Variants in SP110 observed in about 807,000 individuals in gnomAD.
SP110 encodes the protein interferon-induced protein 41, 30kD.
SP110 carries 62 observed loss-of-function variants against 92.7 expected under a neutral mutation model. The observed-to-expected ratio is 0.67, with a 90% confidence interval of 0.55 to 0.83. SP110 has a LOEUF of 0.83. Among genes scored for constraint, SP110 ranks in the 40% least tolerant of loss-of-function variants. The pLI, the probability that SP110 is intolerant of heterozygous loss-of-function variation, is 0.00. For synonymous variants in SP110, 273 were observed against 305.3 expected, an observed-to-expected ratio of 0.89 and a Z score of 1.10; for missense variants, 793 against 863.9, an observed-to-expected ratio of 0.92 and a Z score of 1.03.
chr2:230,221,952 C>T (rs1255156517), upstream of SP110, among the ~76,000 whole-genome samples: 1 of 152,192 alleles, frequency 6.6e-6, no homozygotes, highest in African/African-American at 2.4e-5. Context: ...TGGCTGGGCA[C>T]AGTGGCTCAG....
At chr2:230,187,201 G>A (rs1254168587) in intron 10 of SP110, among the ~76,000 whole-genome samples, 1 of 152,086 alleles carries the variant, frequency 6.6e-6, no homozygotes, top group African/African-American at 2.4e-5. Context: ...CATTCTTGCA[G>A]GAGTAAGGTG....
intron 1 of SP110, among the ~76,000 whole-genome samples, chr2:230,218,253 C>G (rs2045442244): frequency 6.6e-6 from 1 of 152,228 alleles, no homozygotes; most frequent in Non-Finnish European, 1.5e-5. Context: ...TCGTAATTAA[C>G]AACTGTTTAC....
chr2:230,212,730 A>C (rs1000358789), intron 4 of SP110, 31 bp downstream of exon 4: 1 of 1,613,084 alleles, frequency 6.2e-7, no homozygotes, highest in Non-Finnish European at 8.5e-7. Flanking sequence ...GGCTGAGGAT[A>C]TACAGGTGTT....
intron 11 of SP110, among the ~76,000 whole-genome samples, chr2:230,184,833 T>C (rs1439220212): frequency 1.3e-5 from 2 of 152,218 alleles, no homozygotes; most frequent in Non-Finnish European, 2.9e-5. Context: ...AATGCTGTGG[T>C]AATTCACGAT....
intron 8 of SP110, among the ~76,000 whole-genome samples, chr2:230,204,300 A>C (rs1296197393): frequency 6.6e-6 from 1 of 152,190 alleles, no homozygotes; most frequent in African/African-American, 2.4e-5. Context: ...ATAATTGTAT[A>C]GTTGCATAGA....
At chr2:230,215,519 G>C (rs184626364) in intron 2 of SP110, among the ~76,000 whole-genome samples, 21 of 152,300 alleles carry the variant, frequency 1.4e-4, no homozygotes, top group Admixed American at 7.8e-4. Flanking sequence ...CAATTCTGCT[G>C]GTTGCTTGTG....
At chr2:230,171,662 A>T (rs200063171) in intron 17 of SP110, 34 bp downstream of exon 17, 3 of 1,553,120 alleles carry the variant, frequency 1.9e-6, no homozygotes, top group South Asian at 2.2e-5. Flanking sequence ...CTCCAAATGC[A>T]TTTTATGCAA....
rs1245741817 is a variant in SP110, at chr2:230,211,679, A to G, written c.668-126T>C. 1 of 707,318 alleles carries G rather than the reference A, an allele frequency of 1.4e-6. No individual in the cohort carries two copies. Among genetic ancestry groups the G allele is most frequent in the Non-Finnish European group, 2.6e-6 (1 of 387,624 alleles). 43.8% of individuals were successfully genotyped at this position (707,318 alleles called of 1,614,324 possible). A position where few individuals can be genotyped will look rare whatever the true frequency, so the allele number is the denominator to read the frequency against. Reference sequence around the variant, plus strand: ...GGTAACAGCAACCAAGGCCTGGGAAAGGATGGCATAGAGTGGGAAAGTAAG... The same window carrying G: ...GGTAACAGCAACCAAGGCCTGGGAAGGGATGGCATAGAGTGGGAAAGTAAG... On this transcript the variant is annotated intron_variant, in intron 5 of 18. Coordinates refer to ENST00000258381, the MANE Select transcript of SP110 (RefSeq NM_080424.4). This position sits in a 1 kb window ranked among gnomAD's most constrained non-coding sequence, Gnocchi z 4.2.
At chr2:230,171,600 T>C in intron 17 of SP110, 96 bp downstream of exon 17, 1 of 947,120 alleles carries the variant, frequency 1.1e-6, no homozygotes, top group East Asian at 2.4e-5. Context: ...TCTCTTCTGT[T>C]CTCCAGCTTC....
chr2:230,195,263 C>G (rs2042817206), intron 10 of SP110, among the ~76,000 whole-genome samples: 1 of 152,022 alleles, frequency 6.6e-6, no homozygotes, highest in Non-Finnish European at 1.5e-5. Flanking sequence ...TCCATTTTAG[C>G]TGGAAATTGA....
intron 10 of SP110, among the ~76,000 whole-genome samples, chr2:230,197,217 T>C (rs552750849): frequency 6.6e-6 from 1 of 150,642 alleles, no homozygotes; most frequent in South Asian, 2.1e-4. Context: ...GTTTCCTGAC[T>C]TTTTAATGAT....
intron 10 of SP110, among the ~76,000 whole-genome samples, chr2:230,199,190 C>T (rs933213855): frequency 3.5e-5 from 5 of 144,240 alleles, no homozygotes; most frequent in African/African-American, 1.3e-4. Context: ...CTGTCACACA[C>T]AGCAACATAA....
chr2:230,169,140 A>G lies in SP110; in HGVS notation c.2126T>C (p.Phe709Ser). 6.2e-7 allele frequency: 1 copy of G among 1,612,428 alleles called. No individual in the cohort carries two copies. The highest frequency in any genetic ancestry group is 8.5e-7 in the Non-Finnish European group (1 of 1,178,518). Residue 709 changes from phenylalanine (F) to serine (S), a missense_variant, in exon 19 of 19, where the codon TTC becomes TCC. By Grantham distance (155) the Phe-to-Ser change is radical (BLOSUM62 -2). Coordinates refer to ENST00000258381, the MANE Select transcript of SP110 (RefSeq NM_080424.4). ...LGFHEANDGG[F>S]WTLP ...AGAACAGGGTCAAGGAAGAGTCCAG[A>G]AACCGCCGTCATTGGCTTCATGAAA...
intron 10 of SP110, among the ~76,000 whole-genome samples, chr2:230,191,454 A>G (rs1028178730): frequency 6.6e-6 from 1 of 152,230 alleles, no homozygotes; most frequent in Non-Finnish European, 1.5e-5. Context: ...GGGGAATATC[A>G]TCACTGATCC....
chr2:230,212,685 G>T, intron 4 of SP110, 76 bp downstream of exon 4: 1 of 1,557,050 alleles, frequency 6.4e-7, no homozygotes, highest in Non-Finnish European at 8.9e-7. Context: ...AAGTCAAGAT[G>T]CTGGGATTGG....
chr2:230,201,723 C>T (rs1045528771), intron 9 of SP110, among the ~76,000 whole-genome samples: 1 of 152,152 alleles, frequency 6.6e-6, no homozygotes, highest in Non-Finnish European at 1.5e-5. Context: ...GTATATTTTC[C>T]AAACAGCTGT....
intron 10 of SP110, among the ~76,000 whole-genome samples, chr2:230,193,147 T>C (rs6436919): frequency 0.72 from 109,450 of 152,060 alleles, 40,021 homozygotes; most frequent in Admixed American, 0.81. Flanking sequence ...TTAAAGTCTG[T>C]TTTATCTGAT....
upstream of SP110, among the ~76,000 whole-genome samples, chr2:230,221,501 C>T (rs931307065): frequency 3.9e-5 from 6 of 152,110 alleles, no homozygotes; most frequent in African/African-American, 1.4e-4. Flanking sequence ...CTAGTATGTA[C>T]AGAATAGCAG....
At chr2:230,169,551 G>A (rs1049032571) in intron 18 of SP110, among the ~76,000 whole-genome samples, 25 of 152,134 alleles carry the variant, frequency 1.6e-4, no homozygotes, top group African/African-American at 5.8e-4. Flanking sequence ...TCAAACTCCT[G>A]GCCTCAGATG....
Sources: gnomAD v4.1 joint callset for allele counts (sites outside exome capture counted in the v4.1 genomes callset) on GRCh38, gnomAD v4.1.1 for gene constraint, Gnocchi (gnomAD v3.1) non-coding constraint, MANE v1.5 for transcripts, NCBI Gene and HGNC (gene_info 2026-07-23, HGNC 2026-07-21) for gene names.